Variants in FREM2 observed in about 807,000 individuals in gnomAD.
The protein encoded by FREM2 is FRAS1-related extracellular matrix protein 2.
A neutral mutation model predicts 219.9 loss-of-function variants in FREM2; 119 were observed. The ratio of observed to expected loss-of-function variants is 0.54; its 90% CI spans 0.47 to 0.63. The LOEUF (loss-of-function observed/expected upper bound fraction) is 0.63, where lower values mean the gene tolerates loss of function less well. Ranked by LOEUF, FREM2 falls within the 30% of genes least tolerant of loss-of-function variation. The pLI is 0.00. For synonymous variants in FREM2, 1,562 were observed against 1,522.8 expected (o/e 1.03, Z -0.60); for missense variants, 4,030 against 3,993.6 (o/e 1.01, Z -0.25).
At chr13:38,716,903 G>A (rs1249973944) in intron 2 of FREM2, among the ~76,000 whole-genome samples, 1 of 152,190 alleles carries the variant, frequency 6.6e-6, no homozygotes, top group Admixed American at 6.5e-5. Context: ...ATTTGAGTGA[G>A]ATGTCCTTTT....
chr13:38,783,473 T>TAAAAAAAAAAAAAAAAAAAAAA (rs141521145), intron 5 of FREM2, among the ~76,000 whole-genome samples: 1 of 124,064 alleles, frequency 8.1e-6, no homozygotes, highest in Non-Finnish European at 1.7e-5. Context: ...GGTTACTATA[T>TAAAAAAAAAAAAAAAAAAAAAA]AAAAAAAAAA....
At chr13:38,836,429 G>A (rs934760948) in intron 6 of FREM2, among the ~76,000 whole-genome samples, 4 of 152,152 alleles carry the variant, frequency 2.6e-5, no homozygotes, top group African/African-American at 9.7e-5. Flanking sequence ...TCTCTGGCAG[G>A]TTTTGGTATC....
chr13:38,697,602 T>C, intron 1 of FREM2, 96 bp from the exon 2 acceptor site: 1 of 752,700 alleles, frequency 1.3e-6, no homozygotes, highest in Admixed American at 2.0e-5. Context: ...AATTTAAACA[T>C]GTTTATAGGA....
chr13:38,826,017 C>T (rs1183109073), intron 6 of FREM2, among the ~76,000 whole-genome samples: 1 of 152,106 alleles, frequency 6.6e-6, no homozygotes, highest in Non-Finnish European at 1.5e-5. Flanking sequence ...TTTACAGCTT[C>T]TTGGTTACTC....
chr13:38,761,423 A>G (rs1873219187), intron 2 of FREM2, among the ~76,000 whole-genome samples: 1 of 152,180 alleles, frequency 6.6e-6, no homozygotes, highest in Non-Finnish European at 1.5e-5. Flanking sequence ...AATCAATTGC[A>G]TGTTATTCTA....
At position 38,883,694 on chromosome 13, in the gene FREM2, T is replaced by G. The variant is rs954968704; in HGVS notation, c.*2907T>G. The G allele has an allele frequency of 6.6e-6, 1 of 152,182 alleles. No homozygotes were observed. The highest frequency in any genetic ancestry group is 2.4e-5 in the African/African-American group (1 of 41,450). The allele number at this position is 152,182 out of a possible 1,614,324, so 9.4% of individuals were successfully genotyped here. On this transcript the variant is annotated 3_prime_UTR_variant, in exon 24 of 24. Coordinates refer to ENST00000280481, the MANE Select transcript of FREM2 (RefSeq NM_207361.6). ...TTGCTGTCCTTGGGAAGGTTATAAC[T>G]GAATGCAGCTCTTTATTTGGACTAA...
chr13:38,794,487 T>C (rs1476706042), intron 6 of FREM2, among the ~76,000 whole-genome samples: 1 of 152,224 alleles, frequency 6.6e-6, no homozygotes, highest in Non-Finnish European at 1.5e-5. Flanking sequence ...TTTCACCAAT[T>C]TTTGAAATAA....
In FREM2 at chr13:38,880,318, T is replaced by C; in HGVS notation, c.9041T>C (p.Ile3014Thr). Residue 3014 changes from isoleucine (I) to threonine (T), a missense_variant, in exon 24 of 24, where the codon ATC becomes ACC. Physicochemically the swap from Ile to Thr is moderately conservative, Grantham distance 89. Transcript: ENST00000280481. ...ALGREWYIHTIYTVRSKDNAN... is the reference protein window; with the variant it reads ...ALGREWYIHTTYTVRSKDNAN... The stretch of plus-strand genomic sequence containing the variant: ...GGCCGAGAATGGTATATACATACGA[T>C]CTATACAGTGAGATCGAAAGACAAT... 1.9e-6 allele frequency: 3 copies of C among 1,613,936 alleles called. No homozygotes were observed. Among genetic ancestry groups the C allele is most frequent in the Non-Finnish European group, 2.5e-6 (3 of 1,179,992 alleles).
At chr13:38,792,845 A>G (rs1593410864) in intron 6 of FREM2, among the ~76,000 whole-genome samples, 1 of 152,322 alleles carries the variant, frequency 6.6e-6, no homozygotes, top group East Asian at 1.9e-4. Context: ...TTTTAAGGAT[A>G]AGATAAAACA....
chr13:38,733,523 G>A (rs1871853302), intron 2 of FREM2, among the ~76,000 whole-genome samples: 1 of 152,054 alleles, frequency 6.6e-6, no homozygotes, highest in South Asian at 2.1e-4. Context: ...TTACCCACCA[G>A]ATCTCAGTAA....
chr13:38,768,721 G>A (rs1873539259), intron 3 of FREM2, among the ~76,000 whole-genome samples: 1 of 152,208 alleles, frequency 6.6e-6, no homozygotes, highest in African/African-American at 2.4e-5. Flanking sequence ...AGAAGTCCAA[G>A]TACCATTGCC....
At chr13:38,869,418 A>G (rs1456726166) in intron 16 of FREM2, among the ~76,000 whole-genome samples, 2 of 152,210 alleles carry the variant, frequency 1.3e-5, no homozygotes, top group Non-Finnish European at 2.9e-5. Context: ...ATTTATTTGT[A>G]CATTCATTCA....
At chr13:38,750,930 G>T (rs1872726150) in intron 2 of FREM2, among the ~76,000 whole-genome samples, 1 of 152,132 alleles carries the variant, frequency 6.6e-6, no homozygotes, top group Non-Finnish European at 1.5e-5. Flanking sequence ...ATGACCTTAG[G>T]TGATCTGCCT....
At position 38,723,233 on chromosome 13, in the gene FREM2, TA is replaced by T. The variant is rs1438528913; in HGVS notation, c.5263+25453del. Among the ~76,000 whole-genome samples, 4 of 151,292 alleles carry T rather than the reference TA, an allele frequency of 2.6e-5. No individual in the cohort carries two copies. The East Asian group carries it at 5.8e-4, about 22-fold the overall frequency. On this transcript the variant is annotated intron_variant, in intron 2 of 23. Coordinates refer to ENST00000280481, the MANE Select transcript of FREM2 (RefSeq NM_207361.6). ...CTGGGCAACAGAGCATGCGCCATCT[TA>T]AAAAAATAAAAATAAAAAATAAAAA...
At chr13:38,850,839 T>G in intron 9 of FREM2, 105 bp from the exon 10 acceptor site, 1 of 1,271,240 alleles carries the variant, frequency 7.9e-7, no homozygotes, top group Non-Finnish European at 1.1e-6. Context: ...TTTATTGCAC[T>G]GATACAGCAG....
chr13:38,702,137 C>T (rs1313339082), intron 2 of FREM2, among the ~76,000 whole-genome samples: 1 of 152,050 alleles, frequency 6.6e-6, no homozygotes, highest in Admixed American at 6.6e-5. Flanking sequence ...ATCCCTATGG[C>T]ACCAGGAAAG....
At chr13:38,759,076 G>T (rs1042233358) in intron 2 of FREM2, among the ~76,000 whole-genome samples, 1 of 152,052 alleles carries the variant, frequency 6.6e-6, no homozygotes, top group Admixed American at 6.6e-5. Flanking sequence ...CCCCAATAAG[G>T]TAGGTAATAA....
intron 16 of FREM2, among the ~76,000 whole-genome samples, chr13:38,865,088 C>G (rs1877911208): frequency 6.6e-6 from 1 of 152,124 alleles, no homozygotes; most frequent in Non-Finnish European, 1.5e-5. Context: ...TGCTTTTAGC[C>G]TCCTGTTTTA....
chr13:38,780,889 C>CT (rs1201609163), intron 4 of FREM2, among the ~76,000 whole-genome samples: 1 of 152,196 alleles, frequency 6.6e-6, no homozygotes, highest in Non-Finnish European at 1.5e-5. Context: ...GAAGCCTTCC[C>CT]TTTTTTCCAC....
Sources: gnomAD v4.1 joint callset for allele counts (sites outside exome capture counted in the v4.1 genomes callset) on GRCh38, gnomAD v4.1.1 for gene constraint, MANE v1.5 for transcripts, NCBI Gene and HGNC (gene_info 2026-07-23, HGNC 2026-07-21) for gene names.